The following UACA variants were observed in gnomAD, a reference collection of about 807,000 sequenced individuals.
UACA encodes the protein uveal autoantigen with coiled-coil domains and ankyrin repeats.
A neutral mutation model predicts 160.5 loss-of-function variants in UACA; 112 were observed. The ratio of observed to expected loss-of-function variants is 0.70; its 90% CI spans 0.60 to 0.82. UACA has a LOEUF of 0.82. UACA is among the 40% of genes least tolerant of loss of function. UACA has a pLI of 0.00. For synonymous variants in UACA, 557 were observed against 568.4 expected, an observed-to-expected ratio of 0.98 and a Z score of 0.29; for missense variants, 1,574 against 1,614.6, an observed-to-expected ratio of 0.97 and a Z score of 0.43.
chr15:70,736,810 T>G (rs2140998589), intron 1 of UACA, among the ~76,000 whole-genome samples: 1 of 152,338 alleles, frequency 6.6e-6, no homozygotes, highest in Non-Finnish European at 1.5e-5. Flanking sequence ...AATTTATCAT[T>G]TTAATGTAAG....
rs1897059162 is a variant in UACA, at chr15:70,669,365, T to C, written c.1319A>G (p.Glu440Gly). ...TGCTTCTAACTCTTTCTTTAAAATT[T>C]CATTTTCAGAGTATGACGTTTGACT... ...LPSQTSYSEN[E>G]ILKKELEAMR... The change falls in exon 16 of 19, where the codon GAA becomes GGA. Residue 440 changes from glutamate to glycine, a missense_variant. Glu to Gly is a moderately conservative substitution (Grantham distance 98, BLOSUM62 -2). Coordinates refer to ENST00000322954, the MANE Select transcript of UACA (RefSeq NM_018003.4). 1 of 1,613,938 alleles carries C rather than the reference T, an allele frequency of 6.2e-7. No individual in the cohort carries two copies. Among genetic ancestry groups the C allele is most frequent in the African/African-American group, 1.3e-5 (1 of 74,896 alleles).
intron 1 of UACA, among the ~76,000 whole-genome samples, chr15:70,728,588 CAT>C (rs1899221485): frequency 7.0e-6 from 1 of 143,320 alleles, no homozygotes; most frequent in South Asian, 2.2e-4. Context: ...AAAAAAAAAA[CAT>C]AGAAAAAAAA....
chr15:70,775,495 C>A, the UACA span, among the ~76,000 whole-genome samples: 3 of 151,992 alleles, frequency 2.0e-5, no homozygotes, highest in Non-Finnish European at 4.4e-5. Context: ...CTCCTATGGA[C>A]CAAACAAATG....
At chr15:70,753,619 A>C (rs2030225923) in intron 1 of UACA, among the ~76,000 whole-genome samples, 1 of 152,172 alleles carries the variant, frequency 6.6e-6, no homozygotes, top group Non-Finnish European at 1.5e-5. Context: ...CCTACTTCTT[A>C]GGGTTGCGGT....
At chr15:70,704,337 A>C (rs967233382) in intron 1 of UACA, among the ~76,000 whole-genome samples, 10 of 152,204 alleles carry the variant, frequency 6.6e-5, no homozygotes, top group Admixed American at 2.0e-4. Context: ...TATTGACCTG[A>C]GATGAGGGCA....
chr15:70,773,680 G>A, the UACA span, among the ~76,000 whole-genome samples: 2 of 152,192 alleles, frequency 1.3e-5, no homozygotes, highest in Non-Finnish European at 2.9e-5. Context: ...CAACTGGCCT[G>A]CTTCTATTTT....
At chr15:70,770,189 T>G in the UACA span, among the ~76,000 whole-genome samples, 1 of 152,224 alleles carries the variant, frequency 6.6e-6, no homozygotes, top group South Asian at 2.1e-4. Flanking sequence ...TCTTCAAAAC[T>G]ACTTGAATCA....
At chr15:70,713,429 C>T (rs1051953458) in intron 1 of UACA, among the ~76,000 whole-genome samples, 2 of 152,090 alleles carry the variant, frequency 1.3e-5, no homozygotes, top group Admixed American at 6.6e-5. Flanking sequence ...GTGATCTTGA[C>T]GGTGATAGCC....
At position 70,677,142 on chromosome 15, in the gene UACA, TA is replaced by T. The variant is rs767416661; in HGVS notation, c.1000-3del. On this transcript the variant is annotated splice_polypyrimidine_tract_variant and splice_region_variant and intron_variant, in intron 11 of 18. Transcript: ENST00000322954. ...CAGATCATCAGCAACCATAACTTCC[TA>T]AATTTAAAAAGAACACAAAATATTT... is the stretch of plus-strand genomic sequence containing the variant. 40 of 1,599,548 alleles carry T rather than the reference TA, an allele frequency of 2.5e-5. No individual in the cohort carries two copies. The highest frequency in any genetic ancestry group is 3.2e-5 in the Non-Finnish European group (37 of 1,171,916).
intron 1 of UACA, among the ~76,000 whole-genome samples, chr15:70,735,992 A>T (rs557438712): frequency 2.0e-4 from 31 of 152,320 alleles, no homozygotes; most frequent in African/African-American, 5.3e-4. Context: ...AAAGATTTTT[A>T]AAAAAGAAAT....
intron 1 of UACA, among the ~76,000 whole-genome samples, chr15:70,713,024 C>T (rs1489980698): frequency 1.3e-5 from 2 of 152,136 alleles, no homozygotes; most frequent in Non-Finnish European, 2.9e-5. Context: ...AAGTAAGCAA[C>T]CAAGGAAAAC....
At chr15:70,699,408 G>GC in intron 2 of UACA, 119 bp downstream of exon 2, 2 of 1,104,804 alleles carry the variant, frequency 1.8e-6, no homozygotes, top group Non-Finnish European at 2.6e-6. Context: ...ATTTTATAGT[G>GC]CAGGTTTTGG....
chr15:70,676,480 A>T lies in UACA; in HGVS notation c.1131+13T>A, dbSNP rs139204636. On this transcript the variant is annotated intron_variant, in intron 13 of 18. Coordinates refer to ENST00000322954, the MANE Select transcript of UACA (RefSeq NM_018003.4). ...CATTATGAATTACAGGAAATAATTT[A>T]TCCTTTCTATACCTCAAAATATTTA... 14 of 1,547,402 alleles carry T rather than the reference A, an allele frequency of 9.0e-6. No homozygotes were observed. In the East Asian group the frequency reaches 3.2e-4, roughly 35 times the overall value.
At chr15:70,749,323 A>T (rs1203918329) in intron 1 of UACA, 1 of 290,598 alleles carries the variant, frequency 3.4e-6, no homozygotes, top group Non-Finnish European at 6.8e-6. Flanking sequence ...TCAGGAGATC[A>T]AGACCATCCT....
rs747617330 is a variant in UACA, at chr15:70,668,151, T to G, written c.2533A>C (p.Thr845Pro). Residue 845 changes from threonine to proline, a missense_variant, in exon 16 of 19, where the codon ACA becomes CCA. Transcript: ENST00000322954. ...TTCTTCAAGTTAGTGTTTTCAGATG[T>G]GAGAGCGTGTATTTTCTCCTGGTCT... ...GEDQEKIHALTSENTNLKKMM... is the reference protein window; with the variant it reads ...GEDQEKIHALPSENTNLKKMM... 5 of 1,613,168 alleles carry G rather than the reference T, an allele frequency of 3.1e-6. No individual in the cohort carries two copies. The African/African-American group carries it at 6.7e-5, about 22-fold the overall frequency.
At chr15:70,705,746 TAA>T (rs1180338644) in intron 1 of UACA, among the ~76,000 whole-genome samples, 1 of 152,038 alleles carries the variant, frequency 6.6e-6, no homozygotes, top group African/African-American at 2.4e-5. Flanking sequence ...ACCTATAAAT[TAA>T]AAGTGACTTC....
intron 1 of UACA, among the ~76,000 whole-genome samples, chr15:70,704,047 T>C (rs1184868368): frequency 6.6e-6 from 1 of 152,220 alleles, no homozygotes; most frequent in Non-Finnish European, 1.5e-5. Flanking sequence ...CAGATGTTTA[T>C]CTGTTTATTA....
At chr15:70,768,591 C>A in the UACA span, among the ~76,000 whole-genome samples, 1 of 152,218 alleles carries the variant, frequency 6.6e-6, no homozygotes, top group Non-Finnish European at 1.5e-5. Flanking sequence ...GCAAAAAAAA[C>A]CTCTTGATTG....
intron 1 of UACA, 30 bp downstream of exon 1, chr15:70,763,300 G>T: frequency 7.6e-7 from 1 of 1,322,272 alleles, no homozygotes; most frequent in Non-Finnish European, 9.7e-7. Flanking sequence ...CCGGAGCGGA[G>T]CGCCTCGCAG....
Sources: allele counts gnomAD v4.1 joint callset (sites outside exome capture counted in the v4.1 genomes callset), GRCh38; gene constraint gnomAD v4.1.1; transcripts MANE v1.5; gene names NCBI Gene and HGNC (gene_info 2026-07-23, HGNC 2026-07-21).